ANKRD44: variants seen among roughly 807,000 people sequenced by gnomAD.
ANKRD44 encodes ankyrin repeat domain 44.
ANKRD44 carries 35 observed loss-of-function variants against 116.0 expected under a neutral mutation model. That is an observed-to-expected ratio of 0.30 (90% CI 0.23 to 0.40). ANKRD44 has a LOEUF of 0.40. ANKRD44 is among the 10% of genes least tolerant of loss of function. ANKRD44 has a pLI of 1.00. For missense variants in ANKRD44, 1,014 were observed against 1,242.6 expected (o/e 0.82, Z 2.77); for synonymous variants, 435 against 461.8 (o/e 0.94, Z 0.74).
At chr2:197,093,278 A>G (rs1006072942) in intron 10 of ANKRD44, among the ~76,000 whole-genome samples, 1 of 152,198 alleles carries the variant, frequency 6.6e-6, no homozygotes, top group African/African-American at 2.4e-5. Context: ...AATTGGGAAA[A>G]ACAAAAAGTA....
At chr2:197,045,812 T>A (rs966343441) in intron 16 of ANKRD44, among the ~76,000 whole-genome samples, 12 of 152,212 alleles carry the variant, frequency 7.9e-5, no homozygotes, top group Admixed American at 7.9e-4. Flanking sequence ...TAGACCAGTA[T>A]CTGACCCAGA....
intron 9 of ANKRD44, among the ~76,000 whole-genome samples, chr2:197,106,315 TACCTGAGTAGTCC>T (rs1553509333): frequency 6.6e-6 from 1 of 151,856 alleles, no homozygotes; most frequent in Non-Finnish European, 1.5e-5. Flanking sequence ...GGTGGCAAGC[TACCTGAGTAGTCC>T]TAGCTACTTG....
intron 1 of ANKRD44, among the ~76,000 whole-genome samples, chr2:197,245,756 G>A (rs544736864): frequency 4.2e-4 from 64 of 152,176 alleles, no homozygotes; most frequent in African/African-American, 1.3e-3. Flanking sequence ...AAAACCTCTC[G>A]CATTTAGGGA....
intron 1 of ANKRD44, among the ~76,000 whole-genome samples, chr2:197,234,131 A>T (rs1276644737): frequency 1.2e-4 from 18 of 151,818 alleles, no homozygotes; most frequent in Admixed American, 1.2e-3. Flanking sequence ...AAAGTAACCC[A>T]CTGTTTATAT....
chr2:197,008,577 G>A (rs1363398246), intron 19 of ANKRD44, among the ~76,000 whole-genome samples: 1 of 152,180 alleles, frequency 6.6e-6, no homozygotes, highest in African/African-American at 2.4e-5. Context: ...TTTAATAATA[G>A]AGATAACCTC....
intron 16 of ANKRD44, among the ~76,000 whole-genome samples, chr2:197,026,943 C>T (rs1313152577): frequency 6.6e-6 from 1 of 151,902 alleles, no homozygotes; most frequent in Non-Finnish European, 1.5e-5. Context: ...TTGTCCTAAG[C>T]AAACGGAAAC....
intron 17 of ANKRD44, among the ~76,000 whole-genome samples, chr2:197,022,107 T>C (rs907050318): frequency 6.6e-6 from 1 of 152,170 alleles, no homozygotes; most frequent in Non-Finnish European, 1.5e-5. Context: ...GGGCATCTGG[T>C]TCCATTACAC....
At chr2:197,159,183 C>A (rs899368931) in intron 2 of ANKRD44, among the ~76,000 whole-genome samples, 1 of 152,222 alleles carries the variant, frequency 6.6e-6, no homozygotes, top group Admixed American at 6.5e-5. Context: ...AGAACAGTTT[C>A]TGTGGTCCAC....
chr2:197,061,297 C>G (rs184520240), intron 16 of ANKRD44, among the ~76,000 whole-genome samples: 131 of 152,224 alleles, frequency 8.6e-4, no homozygotes, highest in African/African-American at 3.1e-3. Flanking sequence ...CTCCTCTGGC[C>G]GAACTCCCAT....
At chr2:196,970,521 T>C (rs1016788184) in intron 21 of ANKRD44, among the ~76,000 whole-genome samples, 10 of 152,158 alleles carry the variant, frequency 6.6e-5, no homozygotes, top group Non-Finnish European at 1.5e-4. Flanking sequence ...CATTACTCTT[T>C]AGCTATGGAG....
intron 16 of ANKRD44, among the ~76,000 whole-genome samples, chr2:197,066,544 T>C (rs2077437347): frequency 6.6e-6 from 1 of 152,202 alleles, no homozygotes; most frequent in Non-Finnish European, 1.5e-5. Context: ...GAAAACCCCA[T>C]CGTCTCAGCC....
chr2:197,047,896 T>A (rs2077032378), intron 16 of ANKRD44, among the ~76,000 whole-genome samples: 1 of 149,522 alleles, frequency 6.7e-6, no homozygotes, highest in South Asian at 2.1e-4. Context: ...GGCAACACAG[T>A]GAGACTCCGC....
intron 1 of ANKRD44, among the ~76,000 whole-genome samples, chr2:197,278,504 GCA>G (rs2083165093): frequency 1.3e-5 from 2 of 151,522 alleles, no homozygotes; most frequent in South Asian, 2.1e-4. Flanking sequence ...CTACAGGCAC[GCA>G]CCACCACGCC....
At chr2:197,276,275 CAAAAAAAAAAAAAA>C (rs11351342) in intron 1 of ANKRD44, among the ~76,000 whole-genome samples, 3 of 108,064 alleles carry the variant, frequency 2.8e-5, no homozygotes, top group African/African-American at 1.1e-4. Context: ...AACTTGGTCT[CAAAAAAAAAAAAAA>C]AAAAAGGAAA....
At chr2:197,102,286 G>A (rs1452579429) in intron 9 of ANKRD44, among the ~76,000 whole-genome samples, 2 of 152,170 alleles carry the variant, frequency 1.3e-5, no homozygotes, top group African/African-American at 2.4e-5. Context: ...AATCTCATAT[G>A]TATGTTGCTT....
At chr2:197,164,282 C>A (rs2080045800) in intron 2 of ANKRD44, among the ~76,000 whole-genome samples, 1 of 152,184 alleles carries the variant, frequency 6.6e-6, no homozygotes, top group Admixed American at 6.5e-5. Flanking sequence ...GTAGCAAGAC[C>A]CCTTGGTGCC....
chr2:196,999,197 A>T, intron 23 of ANKRD44, 145 bp from the exon 24 acceptor site: 1 of 938,110 alleles, frequency 1.1e-6, no homozygotes, highest in African/African-American at 1.7e-5. Context: ...CCTCCCTCTA[A>T]AGGTCATCCA....
intron 1 of ANKRD44, among the ~76,000 whole-genome samples, chr2:197,258,534 A>G (rs2082515853): frequency 6.6e-6 from 1 of 152,252 alleles, no homozygotes; most frequent in Admixed American, 6.5e-5. Context: ...ATTGTGGATA[A>G]TGCTGCTATG....
At chr2:197,138,876 A>G (rs111669416) in intron 3 of ANKRD44, among the ~76,000 whole-genome samples, 4 of 152,368 alleles carry the variant, frequency 2.6e-5, no homozygotes, top group African/African-American at 7.2e-5. Context: ...AATTTTTTGT[A>G]AATTCAAAAA....
Sources: gnomAD v4.1 joint callset for allele counts (sites outside exome capture counted in the v4.1 genomes callset) on GRCh38, gnomAD v4.1.1 for gene constraint, MANE v1.5 for transcripts, NCBI Gene and HGNC (gene_info 2026-07-23, HGNC 2026-07-21) for gene names.